The following MEF2A variants were observed in gnomAD, a reference collection of about 807,000 sequenced individuals.
MEF2A encodes myocyte-specific enhancer factor 2A.
A neutral mutation model predicts 55.8 loss-of-function variants in MEF2A; 28 were observed. The observed-to-expected ratio is 0.50, with a 90% CI of 0.37 to 0.69. MEF2A has a LOEUF of 0.69. Ranked by LOEUF, MEF2A falls within the 30% of genes least tolerant of loss-of-function variation. MEF2A has a pLI of 0.00. For synonymous variants in MEF2A, 239 were observed against 227.1 expected (o/e 1.05, Z -0.47); for missense variants, 528 against 626.2 (o/e 0.84, Z 1.67).
At chr15:99,695,281 G>A (rs960682132) in intron 8 of MEF2A, among the ~76,000 whole-genome samples, 2 of 152,098 alleles carry the variant, frequency 1.3e-5, no homozygotes, top group Non-Finnish European at 2.9e-5. Context: ...TACACATGAT[G>A]TAAATATTAT....
intron 2 of MEF2A, 22 bp from the exon 3 acceptor site, chr15:99,632,956 T>C (rs1199420752): frequency 7.3e-6 from 4 of 549,880 alleles, no homozygotes; most frequent in Non-Finnish European, 1.3e-5. Flanking sequence ...TTTTAAATCT[T>C]CTAATTTGTG....
At chr15:99,636,803 C>CTT (rs34219550) in intron 3 of MEF2A, among the ~76,000 whole-genome samples, 5 of 151,174 alleles carry the variant, frequency 3.3e-5, no homozygotes, top group Admixed American at 2.0e-4. Context: ...TGTAAGGACT[C>CTT]TTTTTTTTTA....
At chr15:99,647,387 A>C (rs1319420787) in intron 4 of MEF2A, among the ~76,000 whole-genome samples, 2 of 152,044 alleles carry the variant, frequency 1.3e-5, no homozygotes, top group Admixed American at 1.3e-4. Context: ...AATGTCAGCA[A>C]ATAAGTATTC....
chr15:99,643,752 C>T (rs764295953), intron 3 of MEF2A, among the ~76,000 whole-genome samples: 3 of 151,892 alleles, frequency 2.0e-5, no homozygotes, highest in African/African-American at 4.8e-5. Context: ...CCACCACGCC[C>T]GGCTAATTTT....
At chr15:99,705,373 T>A (rs1272135571) in intron 9 of MEF2A, among the ~76,000 whole-genome samples, 1 of 152,264 alleles carries the variant, frequency 6.6e-6, no homozygotes, top group Non-Finnish European at 1.5e-5. Context: ...ATTTGTGTAG[T>A]ACTTCAGTTA....
intron 1 of MEF2A, among the ~76,000 whole-genome samples, chr15:99,589,364 C>A (rs933703044): frequency 8.5e-5 from 13 of 152,078 alleles, no homozygotes; most frequent in Non-Finnish European, 1.9e-4. Flanking sequence ...TTAATGTTTG[C>A]AGCATTTGTG....
chr15:99,582,699 G>A (rs1280056923), intron 1 of MEF2A, among the ~76,000 whole-genome samples: 1 of 152,014 alleles, frequency 6.6e-6, no homozygotes, highest in East Asian at 1.9e-4. Flanking sequence ...CTGAGCTTTC[G>A]ACATATGGCT....
chr15:99,599,149 A>G (rs907585354), intron 2 of MEF2A, among the ~76,000 whole-genome samples: 2 of 152,114 alleles, frequency 1.3e-5, no homozygotes, highest in Non-Finnish European at 1.5e-5. Flanking sequence ...AAAAGTTTTC[A>G]TATGTGTAGT....
At chr15:99,629,977 C>T (rs930195461) in intron 2 of MEF2A, among the ~76,000 whole-genome samples, 7 of 151,290 alleles carry the variant, frequency 4.6e-5, no homozygotes, top group Admixed American at 4.6e-4. Flanking sequence ...GGGGGACCTC[C>T]TTCTCCCTCC....
intron 4 of MEF2A, among the ~76,000 whole-genome samples, chr15:99,657,769 T>C (rs2153553404): frequency 6.6e-6 from 1 of 152,248 alleles, no homozygotes; most frequent in Admixed American, 6.5e-5. Context: ...TGCCTTCTCC[T>C]GCTCCCAAAG....
intron 7 of MEF2A, among the ~76,000 whole-genome samples, chr15:99,684,125 A>T (rs1310773756): frequency 6.6e-6 from 1 of 152,080 alleles, no homozygotes; most frequent in African/African-American, 2.4e-5. Flanking sequence ...TTGTTGGTTG[A>T]TGGGCATTTG....
chr15:99,622,862 C>T (rs551759330), intron 2 of MEF2A, among the ~76,000 whole-genome samples: 8 of 152,054 alleles, frequency 5.3e-5, no homozygotes, highest in African/African-American at 1.2e-4. Flanking sequence ...CCACCATGCC[C>T]GGCTAATTTT....
rs1001195999 is a variant in MEF2A at position 99,690,296 on chromosome 15, A to C, written c.726A>C (p.Ala242=). ...ASPNLIGATG[A]NSLGKVMPTK... Reference sequence around the variant, plus strand: ...CAAATTTGATTGGAGCTACTGGTGCAAATAGCTTAGGCAAAGTCATGCCTA... The same window carrying C: ...CAAATTTGATTGGAGCTACTGGTGCCAATAGCTTAGGCAAAGTCATGCCTA... The change falls in exon 8 of 12, where the codon GCA becomes GCC. Residue 242 remains alanine (A), a synonymous_variant. Coordinates refer to ENST00000557942, the MANE Select transcript of MEF2A (RefSeq NM_001319206.4). The C allele has an allele frequency of 5.0e-6, 8 of 1,613,792 alleles. No homozygotes were observed. Among genetic ancestry groups the C allele is most frequent in the Non-Finnish European group, 6.8e-6 (8 of 1,179,824 alleles).
At chr15:99,601,559 C>T (rs1972996485) in intron 2 of MEF2A, among the ~76,000 whole-genome samples, 1 of 136,204 alleles carries the variant, frequency 7.3e-6, no homozygotes, top group Admixed American at 7.7e-5. Flanking sequence ...TGAATTTTGG[C>T]CAAATGTTTT....
chr15:99,650,601 CTGTT>C (rs1387314371), intron 4 of MEF2A, among the ~76,000 whole-genome samples: 3 of 152,066 alleles, frequency 2.0e-5, no homozygotes, highest in East Asian at 3.9e-4. Flanking sequence ...AAGAGAAAAT[CTGTT>C]TGAGTCTTAA....
rs965381678 is a variant in MEF2A, at chr15:99,672,113, G to A, written c.390+659G>A. 4.6e-5 allele frequency among the ~76,000 whole-genome samples: 7 copies of A among 152,252 alleles called. No individual in the cohort carries two copies. In the South Asian group the frequency reaches 8.3e-4, roughly 18 times the overall value. ...AATGTAAGGTAGTTAGGTTTGTTGC[G>A]AAACTTGTTTTTTTCCTAAATTATC... is the stretch of plus-strand genomic sequence containing the variant. On this transcript the variant is annotated intron_variant, in intron 5 of 11. Transcript: ENST00000557942.
intron 8 of MEF2A, among the ~76,000 whole-genome samples, chr15:99,698,703 A>C (rs1474753752): frequency 6.6e-6 from 1 of 152,032 alleles, no homozygotes; most frequent in Non-Finnish European, 1.5e-5. Flanking sequence ...GAGGCAGGAG[A>C]ATCGCTTGAA....
At position 99,712,300 on chromosome 15, in the gene MEF2A, C is replaced by G. The variant is rs1448986827; in HGVS notation, c.1137-90C>G. Reference sequence around the variant, plus strand: ...CTGATAAGATTTCAGACTCTGGGCCCTTTTCCATCAGGCAGTGTCTCTACT... The same window carrying G: ...CTGATAAGATTTCAGACTCTGGGCCGTTTTCCATCAGGCAGTGTCTCTACT... On this transcript the variant is annotated intron_variant, in intron 11 of 11. Coordinates refer to ENST00000557942, the MANE Select transcript of MEF2A (RefSeq NM_001319206.4). The surrounding 1 kb of genome is among the most constrained non-coding windows in gnomAD (Gnocchi z 4.1). 13 of 1,440,828 alleles carry G rather than the reference C, an allele frequency of 9.0e-6. No individual in the cohort carries two copies. The East Asian group carries it at 2.8e-4, about 31-fold the overall frequency. The allele number at this position is 1,440,828 out of a possible 1,614,324, so 89.3% of individuals were successfully genotyped here. A position where few individuals can be genotyped will look rare whatever the true frequency, so the allele number is the denominator to read the frequency against.
chr15:99,696,713 A>G (rs936544657), intron 8 of MEF2A, among the ~76,000 whole-genome samples: 7 of 151,832 alleles, frequency 4.6e-5, no homozygotes, highest in Middle Eastern at 3.4e-3. Context: ...CTTAACCCCA[A>G]TCAAGCAGAA....
Sources: gnomAD v4.1 joint callset for allele counts (sites outside exome capture counted in the v4.1 genomes callset) on GRCh38, gnomAD v4.1.1 for gene constraint, Gnocchi (gnomAD v3.1) non-coding constraint, MANE v1.5 for transcripts, NCBI Gene and HGNC (gene_info 2026-07-23, HGNC 2026-07-21) for gene names.